LRP6: variants seen among roughly 807,000 people sequenced by gnomAD.
LRP6 encodes the protein LDL receptor related protein 6, also known as low-density lipoprotein receptor-related protein 6.
In LRP6, 43 loss-of-function variants were observed where a neutral mutation model predicts 184.1. That is an observed-to-expected ratio of 0.23 (90% CI 0.18 to 0.30). The LOEUF is 0.30. Ranked by LOEUF, LRP6 falls within the 10% of genes least tolerant of loss-of-function variation. LRP6 has a pLI of 1.00. For synonymous variants in LRP6, 719 were observed against 684.9 expected, an observed-to-expected ratio of 1.05 and a Z score of -0.78; for missense variants, 1,571 against 2,005.3, an observed-to-expected ratio of 0.78 and a Z score of 4.14.
intron 2 of LRP6, among the ~76,000 whole-genome samples, chr12:12,209,468 A>G (rs1434006284): frequency 2.0e-5 from 3 of 152,328 alleles, no homozygotes; most frequent in Middle Eastern, 3.4e-3. Flanking sequence ...TCCAACTACA[A>G]TAAGTGAAAC....
At chr12:12,204,279 C>CAAAAAAAAA (rs61067494) in intron 2 of LRP6, among the ~76,000 whole-genome samples, 3 of 96,214 alleles carry the variant, frequency 3.1e-5, no homozygotes, top group Non-Finnish European at 4.1e-5. Context: ...TCATAAAAGT[C>CAAAAAAAAA]AAAAAAAAAA....
intron 3 of LRP6, among the ~76,000 whole-genome samples, chr12:12,201,476 T>C (rs1420399688): frequency 3.9e-5 from 6 of 152,290 alleles, no homozygotes; most frequent in African/African-American, 1.4e-4. Flanking sequence ...CAAATAGCTG[T>C]GGCTATTTTG....
Position 12,163,904 on chromosome 12 carries a change from C to T in LRP6, c.2052+369G>A, listed in dbSNP as rs745788134. Among the ~76,000 whole-genome samples, 36 of 152,252 alleles carry T rather than the reference C, an allele frequency of 2.4e-4. No homozygotes were observed. In the South Asian group the frequency reaches 5.4e-3, roughly 23 times the overall value. On this transcript the variant is annotated intron_variant, in intron 9 of 22. Transcript: ENST00000261349. ...ATCCCAGCACTTTGGGAGGACGAAG[C>T]GGGCGGATCACGAGGTCAAGAGTTC...
In LRP6 at chr12:12,165,299, C is replaced by T. The variant is rs1254603107; in HGVS notation, c.1546-4G>A. Reference sequence around the variant, plus strand: ...CAGTGCCATCAGTATTCATAACCTTCAGGTTTAAATTCAAAAGAGAAGGGG... The same window carrying T: ...CAGTGCCATCAGTATTCATAACCTTTAGGTTTAAATTCAAAAGAGAAGGGG... On this transcript the variant is annotated splice_region_variant and splice_polypyrimidine_tract_variant and intron_variant, in intron 7 of 22. Transcript: ENST00000261349. The T allele has an allele frequency of 6.2e-7, 1 of 1,600,392 alleles. No homozygotes were observed. The highest frequency in any genetic ancestry group is 8.6e-7 in the Non-Finnish European group (1 of 1,168,232).
At position 12,233,688 on chromosome 12, in the gene LRP6, T is replaced by C. The variant is rs529749229; in HGVS notation, c.449+10574A>G. 1.6e-4 allele frequency among the ~76,000 whole-genome samples: 24 copies of C among 152,336 alleles called. No individual in the cohort carries two copies. The East Asian group carries it at 3.3e-3, about 21-fold the overall frequency. On this transcript the variant is annotated intron_variant, in intron 2 of 22. Coordinates refer to ENST00000261349, the MANE Select transcript of LRP6 (RefSeq NM_002336.3). ...TAAAGCAACATTTCTGAGACACAGA[T>C]ATCTGAGTATGAACAGACTAATTTA...
At chr12:12,257,985 C>A (rs1022427234) in intron 1 of LRP6, among the ~76,000 whole-genome samples, 1 of 148,632 alleles carries the variant, frequency 6.7e-6, no homozygotes, top group African/African-American at 2.5e-5. Context: ...AAAAAAAAAA[C>A]TAATTATATC....
At chr12:12,230,589 T>C (rs1258136307) in intron 2 of LRP6, among the ~76,000 whole-genome samples, 1 of 152,144 alleles carries the variant, frequency 6.6e-6, no homozygotes, top group African/African-American at 2.4e-5. Flanking sequence ...CTATCCATAA[T>C]TAAAATAAGT....
chr12:12,195,701 G>C (rs147351538), intron 3 of LRP6, among the ~76,000 whole-genome samples: 61 of 151,988 alleles, frequency 4.0e-4, no homozygotes, highest in African/African-American at 1.4e-3. Flanking sequence ...TTGATATAAT[G>C]CATCTGGTAT....
intron 1 of LRP6, among the ~76,000 whole-genome samples, chr12:12,253,855 G>C (rs1865391050): frequency 6.6e-6 from 1 of 151,982 alleles, no homozygotes; most frequent in Non-Finnish European, 1.5e-5. Flanking sequence ...AATAAAAAAG[G>C]GCTATGGGCC....
chr12:12,255,035 C>A (rs1295602284), intron 1 of LRP6, among the ~76,000 whole-genome samples: 1 of 152,162 alleles, frequency 6.6e-6, no homozygotes, highest in African/African-American at 2.4e-5. Flanking sequence ...ATTATTGCTA[C>A]ACCTATGTAA....
chr12:12,215,738 G>T (rs983705559), intron 2 of LRP6, among the ~76,000 whole-genome samples: 1 of 151,698 alleles, frequency 6.6e-6, no homozygotes, highest in Admixed American at 6.6e-5. Context: ...GTGGCCAGGC[G>T]TGGTGGCTCA....
chr12:12,244,683 G>A lies in LRP6; in HGVS notation c.56-28C>T, dbSNP rs772576177. 183 of 1,610,678 alleles carry A rather than the reference G, an allele frequency of 1.1e-4. 2 individuals carry two copies. The highest frequency in any genetic ancestry group is 6.6e-4 in the Middle Eastern group (4 of 6,076). On this transcript the variant is annotated intron_variant, in intron 1 of 22. Coordinates refer to ENST00000261349, the MANE Select transcript of LRP6 (RefSeq NM_002336.3). ...AGAACAAAAAAAGAAAAATATGTAA[G>A]TGAAAAGGAAGAAAACGTATTGGTT...
intron 4 of LRP6, among the ~76,000 whole-genome samples, chr12:12,185,847 G>GTTTT (rs71435899): frequency 7.1e-6 from 1 of 140,892 alleles, no homozygotes; most frequent in Non-Finnish European, 1.5e-5. Context: ...TGTGTTTTTT[G>GTTTT]TTTTTTTTTT....
intron 3 of LRP6, among the ~76,000 whole-genome samples, chr12:12,201,262 A>C (rs148066367): frequency 6.9e-4 from 105 of 152,066 alleles, no homozygotes; most frequent in African/African-American, 2.4e-3. Context: ...ATTTTGTTTT[A>C]ATCAGTGTGG....
intron 15 of LRP6, among the ~76,000 whole-genome samples, chr12:12,143,237 A>G (rs995187373): frequency 3.9e-5 from 6 of 152,212 alleles, no homozygotes; most frequent in African/African-American, 1.4e-4. Context: ...TCTATGCTGA[A>G]AATTATAAAA....
At chr12:12,248,176 T>G (rs926986187) in intron 1 of LRP6, among the ~76,000 whole-genome samples, 3 of 152,198 alleles carry the variant, frequency 2.0e-5, no homozygotes, top group African/African-American at 7.2e-5. Context: ...CGGTTCAGCC[T>G]CCTTACCTCC....
chr12:12,176,391 A>C (rs1863183671), intron 7 of LRP6, among the ~76,000 whole-genome samples: 2 of 152,194 alleles, frequency 1.3e-5, no homozygotes, highest in African/African-American at 4.8e-5. Flanking sequence ...ACATACCCTC[A>C]CATATATGTT....
chr12:12,169,348 A>G (rs916356877), intron 7 of LRP6, among the ~76,000 whole-genome samples: 9 of 152,300 alleles, frequency 5.9e-5, no homozygotes, highest in Non-Finnish European at 5.9e-5. Flanking sequence ...TAACAAAAGC[A>G]GCATTTGGTT....
At chr12:12,214,447 A>G (rs1271925613) in intron 2 of LRP6, among the ~76,000 whole-genome samples, 1 of 152,216 alleles carries the variant, frequency 6.6e-6, no homozygotes, top group Admixed American at 6.5e-5. Context: ...CATTCTTCAG[A>G]TATCTCATAA....
Sources: allele counts gnomAD v4.1 joint callset (sites outside exome capture counted in the v4.1 genomes callset), GRCh38; gene constraint gnomAD v4.1.1; transcripts MANE v1.5; gene names NCBI Gene and HGNC (gene_info 2026-07-23, HGNC 2026-07-21).